TMEM132D: variants seen among roughly 807,000 people sequenced by gnomAD.
TMEM132D encodes transmembrane protein 132D.
In TMEM132D, 21 loss-of-function variants were observed where a neutral mutation model predicts 62.3. The observed-to-expected ratio is 0.34, with a 90% CI of 0.24 to 0.49. The LOEUF is 0.49. Among genes scored for constraint, TMEM132D ranks in the 20% least tolerant of loss-of-function variants. TMEM132D has a pLI of 0.99. For missense variants in TMEM132D, 1,346 were observed against 1,402.8 expected (o/e 0.96, Z 0.65); for synonymous variants, 621 against 575.6 (o/e 1.08, Z -1.13).
At chr12:129,685,924 CTG>C (rs950987451) in intron 2 of TMEM132D, among the ~76,000 whole-genome samples, 3 of 152,168 alleles carry the variant, frequency 2.0e-5, no homozygotes, top group Non-Finnish European at 4.4e-5. Context: ...TACATAGGGC[CTG>C]TAGCTCCTTT....
chr12:129,877,217 TA>T (rs1874442766), intron 1 of TMEM132D, among the ~76,000 whole-genome samples: 1 of 150,702 alleles, frequency 6.6e-6, no homozygotes, highest in African/African-American at 2.4e-5. Context: ...TTAAAACTAT[TA>T]ATATTATTCC....
intron 3 of TMEM132D, among the ~76,000 whole-genome samples, chr12:129,498,820 T>C (rs1415976813): frequency 2.0e-5 from 3 of 152,178 alleles, no homozygotes; most frequent in African/African-American, 7.2e-5. Context: ...AATATAGGAC[T>C]ACTACATTAT....
rs191476018 is a variant in TMEM132D, at chr12:129,493,472, G to C, written c.1115+37587C>G. On this transcript the variant is annotated intron_variant, in intron 3 of 8. Transcript: ENST00000422113. ...TCAGGAGAAACCTCATTTCCTAATTGTCTTCTTCAGAATCAGTACCATAAC... is the reference window on the plus strand; with the variant it reads ...TCAGGAGAAACCTCATTTCCTAATTCTCTTCTTCAGAATCAGTACCATAAC... Among the ~76,000 whole-genome samples, 117 of 152,310 alleles carry C rather than the reference G, an allele frequency of 7.7e-4. 1 individual carries two copies. Among genetic ancestry groups the C allele is most frequent in the African/African-American group, 2.6e-3 (110 of 41,560 alleles).
intron 3 of TMEM132D, among the ~76,000 whole-genome samples, chr12:129,365,468 T>C (rs1870375765): frequency 6.6e-6 from 1 of 152,158 alleles, no homozygotes; most frequent in Non-Finnish European, 1.5e-5. Context: ...AATTGGAGAA[T>C]AATAAATGCC....
chr12:129,409,928 G>A (rs1487616715), intron 3 of TMEM132D, among the ~76,000 whole-genome samples: 2 of 152,158 alleles, frequency 1.3e-5, no homozygotes, highest in Admixed American at 6.5e-5. Flanking sequence ...ATGAGTTAAC[G>A]TAGACTTCTG....
At chr12:129,706,882 A>G (rs1335155033) in intron 1 of TMEM132D, among the ~76,000 whole-genome samples, 1 of 151,844 alleles carries the variant, frequency 6.6e-6, no homozygotes, top group Non-Finnish European at 1.5e-5. Context: ...CCATTATACT[A>G]TATTTACAAG....
In TMEM132D at chr12:129,304,971, T is replaced by C. The variant is rs115704049; in HGVS notation, c.1299+32663A>G. On this transcript the variant is annotated intron_variant, in intron 4 of 8. Transcript: ENST00000422113. ...GAGCCACTGCGCCTGGCCAAGCTCT[T>C]TCTTGGCCCTCAATGAAACCTTTGC... Among the ~76,000 whole-genome samples, 1,128 of 152,238 alleles carry C rather than the reference T, an allele frequency of 7.4e-3. 12 individuals are homozygous for C. Among genetic ancestry groups the C allele is most frequent in the African/African-American group, 0.026 (1,062 of 41,510 alleles).
At position 129,685,200 on chromosome 12, in the gene TMEM132D, G is replaced by GA. The variant is rs1333789281; in HGVS notation, c.968+14609dup. Among the ~76,000 whole-genome samples the GA allele has an allele frequency of 8.5e-5, 13 of 152,244 alleles. No homozygotes were observed. In the Middle Eastern group the frequency reaches 0.01, roughly 120 times the overall value. ...CAAATGTTAATCACCAAGACAATGG[G>GA]AAAAAATGTCTCCATGTCAGAGACC... On this transcript the variant is annotated intron_variant, in intron 2 of 8. Transcript: ENST00000422113.
At chr12:129,550,635 T>C (rs1360907272) in intron 2 of TMEM132D, among the ~76,000 whole-genome samples, 1 of 152,130 alleles carries the variant, frequency 6.6e-6, no homozygotes, top group East Asian at 1.9e-4. Flanking sequence ...GAAAGCTAAG[T>C]GCTAAACTGG....
At chr12:129,404,969 T>C (rs991943926) in intron 3 of TMEM132D, among the ~76,000 whole-genome samples, 1 of 152,192 alleles carries the variant, frequency 6.6e-6, no homozygotes, top group Non-Finnish European at 1.5e-5. Flanking sequence ...AGCATAGGGC[T>C]ATAAGATAAA....
intron 2 of TMEM132D, among the ~76,000 whole-genome samples, chr12:129,551,081 C>T (rs1566106937): frequency 6.6e-6 from 1 of 152,200 alleles, no homozygotes. Context: ...CAGGCAAGAG[C>T]CAGCCTCAAC....
intron 3 of TMEM132D, among the ~76,000 whole-genome samples, chr12:129,456,686 C>G (rs913784447): frequency 5.6e-4 from 86 of 152,314 alleles, no homozygotes; most frequent in African/African-American, 1.9e-3. Flanking sequence ...CCATAAACGG[C>G]AGATGGAACT....
intron 4 of TMEM132D, among the ~76,000 whole-genome samples, chr12:129,321,688 A>G (rs955860242): frequency 6.6e-6 from 1 of 151,942 alleles, no homozygotes; most frequent in East Asian, 1.9e-4. Context: ...TCCCCCGACT[A>G]GCTGGGACTA....
At chr12:129,079,214 C>A (rs779550165) in intron 7 of TMEM132D, among the ~76,000 whole-genome samples, 2 of 152,142 alleles carry the variant, frequency 1.3e-5, no homozygotes, top group East Asian at 1.9e-4. Flanking sequence ...AACCAATGTG[C>A]AACTAGAAGG....
intron 1 of TMEM132D, among the ~76,000 whole-genome samples, chr12:129,728,862 T>A (rs1490087462): frequency 6.6e-6 from 1 of 152,152 alleles, no homozygotes; most frequent in Non-Finnish European, 1.5e-5. Context: ...TGTCTTCATG[T>A]ACTCCTTTTT....
chr12:129,806,715 T>A (rs937569893), intron 1 of TMEM132D, among the ~76,000 whole-genome samples: 12 of 151,424 alleles, frequency 7.9e-5, no homozygotes, highest in Non-Finnish European at 1.5e-4. Flanking sequence ...AAAATAAAAA[T>A]AAAAAATAAA....
intron 1 of TMEM132D, among the ~76,000 whole-genome samples, chr12:129,886,685 A>C (rs532757402): frequency 1.3e-5 from 2 of 152,290 alleles, no homozygotes; most frequent in South Asian, 4.2e-4. Context: ...GTCAAGAAAC[A>C]CAGGGCACTC....
intron 2 of TMEM132D, among the ~76,000 whole-genome samples, chr12:129,645,842 C>A (rs564853229): frequency 6.6e-6 from 1 of 152,244 alleles, no homozygotes; most frequent in South Asian, 2.1e-4. Flanking sequence ...AAAGAAACTC[C>A]CACTAGTGCC....
intron 4 of TMEM132D, among the ~76,000 whole-genome samples, chr12:129,299,465 G>A (rs1439118313): frequency 8.8e-6 from 1 of 113,882 alleles, no homozygotes; most frequent in African/African-American, 3.2e-5. Flanking sequence ...AATTTCAACT[G>A]TTTTTCATTT....
Sources: gnomAD v4.1 joint callset for allele counts (sites outside exome capture counted in the v4.1 genomes callset) on GRCh38, gnomAD v4.1.1 for gene constraint, MANE v1.5 for transcripts, NCBI Gene and HGNC (gene_info 2026-07-23, HGNC 2026-07-21) for gene names.